Variants in KRT33B observed in about 807,000 individuals in gnomAD.
KRT33B encodes keratin 33B.
Under a neutral mutation model 42.7 loss-of-function variants are expected in KRT33B, and 37 were observed. The observed-to-expected ratio is 0.87, with a 90% CI of 0.67 to 1.14. The LOEUF is 1.14. KRT33B is among the 50% of genes most tolerant of loss of function. The probability of loss-of-function intolerance (pLI) is 0.00; values close to 1 mark genes in which losing one functional copy is unlikely to be tolerated. For synonymous variants in KRT33B, 237 were observed against 221.2 expected, an observed-to-expected ratio of 1.07 and a Z score of -0.63; for missense variants, 523 against 515.1, an observed-to-expected ratio of 1.02 and a Z score of -0.15.
At chr17:41,368,994 G>T (rs945763419) in intron 1 of KRT33B, among the ~76,000 whole-genome samples, 2 of 151,336 alleles carry the variant, frequency 1.3e-5, no homozygotes, top group African/African-American at 4.9e-5. Flanking sequence ...GCTATATTTT[G>T]CTACAGCTTT....
Position 41,366,636 on chromosome 17 carries a change from C to T in KRT33B, c.432-10G>A, listed in dbSNP as rs143055266. 1.4e-4 allele frequency: 229 copies of T among 1,588,746 alleles called. 20 individuals carry two copies. In the African/African-American group the frequency reaches 2.8e-3, roughly 20 times the overall value. On this transcript the variant is annotated splice_polypyrimidine_tract_variant and intron_variant, in intron 2 of 6. Coordinates refer to ENST00000251646, the MANE Select transcript of KRT33B (RefSeq NM_002279.5). ...CTGCTCCGTCTGGTACCTGCACACA[C>T]AGCCAGAGGTCAAAAGAGGTCCAAA...
chr17:41,365,330 A>G (rs1454162843), intron 4 of KRT33B, 30 bp from the exon 5 acceptor site: 1 of 1,611,362 alleles, frequency 6.2e-7, no homozygotes, highest in East Asian at 2.2e-5. Context: ...AAAGGATCAG[A>G]CCCTGCCTCC....
rs1163587166 is a variant in KRT33B at position 41,364,912 on chromosome 17, C to T, written c.964G>A (p.Glu322Lys). 3 of 1,613,414 alleles carry T rather than the reference C, an allele frequency of 1.9e-6. No individual in the cohort carries two copies. Among genetic ancestry groups the T allele is most frequent in the Non-Finnish European group, 2.5e-6 (3 of 1,180,050 alleles). ...SQVQSLITNV[E>K]SQLAEIRSDL... ...CTGCGGATCTCCGCCAGCTGGGACT[C>T]CACGTTGGTGATCAGGCTCTGCACC... Residue 322 changes from glutamate to lysine, a missense_variant, in exon 6 of 7, where the codon GAG becomes AAG. By Grantham distance (56) the Glu-to-Lys change is moderately conservative. Transcript: ENST00000251646.
intron 3 of KRT33B, among the ~76,000 whole-genome samples, 182 bp from the exon 4 acceptor site, chr17:41,365,735 C>T (rs1389131665): frequency 2.0e-5 from 3 of 151,228 alleles, no homozygotes; most frequent in Admixed American, 6.6e-5. Context: ...CTGTATGATA[C>T]GGCTGCTTCA....
At chr17:41,364,296 C>T (rs899405005) in intron 6 of KRT33B, among the ~76,000 whole-genome samples, 6 of 151,406 alleles carry the variant, frequency 4.0e-5, no homozygotes, top group South Asian at 2.1e-4. Context: ...ATATTATGTT[C>T]GCTGGCAACT....
rs143777751 is a variant in KRT33B at position 41,365,852 on chromosome 17, G to A, written c.589-299C>T. 1.8e-4 allele frequency among the ~76,000 whole-genome samples: 28 copies of A among 151,400 alleles called. No homozygotes were observed. In the East Asian group the frequency reaches 4.4e-3, roughly 24 times the overall value. On this transcript the variant is annotated intron_variant, in intron 3 of 6. Transcript: ENST00000251646. ...GCATGATAATTGGCTTACAATTGTT[G>A]CTACTTAAATATAGAGAAACCAGGT...
At chr17:41,368,100 T>C in intron 1 of KRT33B, 110 bp from the exon 2 acceptor site, 2 of 962,644 alleles carry the variant, frequency 2.1e-6, no homozygotes, top group East Asian at 2.4e-5. Flanking sequence ...TTTGAGTCCT[T>C]TCAGATTTTC....
chr17:41,368,261 C>A (rs2017726497), intron 1 of KRT33B, among the ~76,000 whole-genome samples: 1 of 151,344 alleles, frequency 6.6e-6, no homozygotes, highest in Non-Finnish European at 1.5e-5. Flanking sequence ...GGTTGGGTGA[C>A]CAACCATCCC....
rs931017212 is a variant in KRT33B at position 41,369,585 on chromosome 17, C to T, written c.166G>A (p.Glu56Lys). The T allele has an allele frequency of 3.7e-6, 6 of 1,613,684 alleles. No homozygotes were observed. Among genetic ancestry groups the T allele is most frequent in the South Asian group, 2.2e-5 (2 of 91,060 alleles). Residue 56 changes from glutamate to lysine, a missense_variant, in exon 1 of 7, where the codon GAG becomes AAG. Coordinates refer to ENST00000251646, the MANE Select transcript of KRT33B (RefSeq NM_002279.5). Reference protein sequence around the residue: ...WFCEGSFNGSEKETMQFLNDR... With the variant: ...WFCEGSFNGSKKETMQFLNDR... ...TTCAGGAACTGCATAGTCTCCTTCT[C>T]GCTGCCATTGAAGGAGCCCTCGCAG...
chr17:41,366,439 G>A (rs368261060), intron 3 of KRT33B, 31 bp downstream of exon 3: 3 of 1,610,184 alleles, frequency 1.9e-6, no homozygotes, highest in African/African-American at 2.7e-5. Context: ...AGAGCTCTCA[G>A]TATTGGGATA....
At chr17:41,369,197 C>T (rs1304784531) in intron 1 of KRT33B, among the ~76,000 whole-genome samples, 1 of 151,296 alleles carries the variant, frequency 6.6e-6, no homozygotes, top group Admixed American at 6.6e-5. Flanking sequence ...TGGTCTAATG[C>T]TTCACTCTAA....
intron 2 of KRT33B, 97 bp from the exon 3 acceptor site, chr17:41,366,723 G>T: frequency 8.2e-7 from 1 of 1,225,100 alleles, no homozygotes; most frequent in Non-Finnish European, 1.1e-6. Context: ...ATTATATTTT[G>T]AAATATTTTG....
Position 41,369,510 on chromosome 17 carries a change from T to C in KRT33B, c.241A>G (p.Asn81Asp). ...LEKVRQLERD[N>D]AELENLIRER... The stretch of plus-strand genomic sequence containing the variant: ...CGGATGAGGTTCTCCAGCTCCGCGT[T>C]GTCCCGCTCCAGCTGACGCACCTTC... Residue 81 changes from asparagine to aspartate, a missense_variant, in exon 1 of 7, where the codon AAC becomes GAC. By Grantham distance (23) the Asn-to-Asp change is conservative. Transcript: ENST00000251646. 1 of 1,614,016 alleles carries C rather than the reference T, an allele frequency of 6.2e-7. No homozygotes were observed.
Position 41,367,940 on chromosome 17 carries a change from A to G in KRT33B, c.399T>C (p.Asn133=). The change falls in exon 2 of 7, where the codon AAT becomes AAC. Residue 133 remains asparagine, a synonymous_variant. Coordinates refer to ENST00000251646, the MANE Select transcript of KRT33B (RefSeq NM_002279.5). ...ENARLVVQID[N]AKLAADDFRT... ...TGAAGTCATCTGCAGCCAGCTTGGC[A>G]TTGTCGATCTGCACCACCAGCCTGG... 6.2e-7 allele frequency: 1 copy of G among 1,612,998 alleles called. No individual in the cohort carries two copies. Among genetic ancestry groups the G allele is most frequent in the Non-Finnish European group, 8.5e-7 (1 of 1,180,024 alleles).
chr17:41,366,586 C>T lies in KRT33B; in HGVS notation c.472G>A (p.Asp158Asn), dbSNP rs748233878. Residue 158 changes from aspartate (D) to asparagine (N), a missense_variant, in exon 3 of 7, where the codon GAC becomes AAC. Transcript: ENST00000251646. ...EQSLRQLVES[D>N]INSLRRILDE... ...AGAATCCTGCGCAGGCTGTTGATGT[C>T]GGACTCCACCAGCTGCCGCAGGGAC... 20 of 1,611,996 alleles carry T rather than the reference C, an allele frequency of 1.2e-5. No homozygotes were observed. The highest frequency in any genetic ancestry group is 6.7e-5 in the East Asian group (3 of 44,868).
chr17:41,364,640 C>T (rs35142024), intron 6 of KRT33B, 139 bp downstream of exon 6: 99,835 of 1,107,314 alleles, frequency 0.09, 7,417 homozygotes, highest in African/African-American at 0.32. Context: ...AAATATCCTA[C>T]ACTTCCCACG....
At chr17:41,365,090 A>T in intron 5 of KRT33B, 85 bp downstream of exon 5, 1 of 1,609,668 alleles carries the variant, frequency 6.2e-7, no homozygotes, top group Non-Finnish European at 8.5e-7. Flanking sequence ...CCAAGAGCTA[A>T]GAAGAGTGTG....
chr17:41,365,212 T>A lies in KRT33B; in HGVS notation c.839A>T (p.Asn280Ile), dbSNP rs780491524. ...GGCCTGCAGCTCGATCTCCAGGGCA[T>A]TGACTGTGCGTCTCAGCTCGATGAT... Reference protein sequence around the residue: ...AEIIELRRTVNALEIELQAQH... With the variant: ...AEIIELRRTVIALEIELQAQH... The change falls in exon 5 of 7, where the codon AAT becomes ATT. Residue 280 changes from asparagine to isoleucine, a missense_variant. Transcript: ENST00000251646. The A allele has an allele frequency of 6.2e-7, 1 of 1,611,924 alleles. No homozygotes were observed. The highest frequency in any genetic ancestry group is 8.5e-7 in the Non-Finnish European group (1 of 1,180,014).
chr17:41,365,494 A>G lies in KRT33B; in HGVS notation c.648T>C (p.Ala216=). 2 of 1,613,034 alleles carry G rather than the reference A, an allele frequency of 1.2e-6. No individual in the cohort carries two copies. The highest frequency in any genetic ancestry group is 1.1e-5 in the South Asian group (1 of 91,084). ...GGACCTGGTTCAGGTCCACAGCGGG[A>G]GCAGCGTCCACCTCCACGTTGAGGC... ...GDRLNVEVDA[A]PAVDLNQVLN... Residue 216 remains alanine (A), a synonymous_variant, in exon 4 of 7, where the codon GCT becomes GCC. Coordinates refer to ENST00000251646, the MANE Select transcript of KRT33B (RefSeq NM_002279.5).
Sources: allele counts gnomAD v4.1 joint callset (sites outside exome capture counted in the v4.1 genomes callset), GRCh38; gene constraint gnomAD v4.1.1; transcripts MANE v1.5; gene names NCBI Gene and HGNC (gene_info 2026-07-23, HGNC 2026-07-21).